ADGRB3: variants seen among roughly 807,000 people sequenced by gnomAD.
ADGRB3 encodes the protein adhesion G protein-coupled receptor B3.
In ADGRB3, 37 loss-of-function variants were observed where a neutral mutation model predicts 193.4. The observed-to-expected ratio is 0.19, with a 90% CI of 0.15 to 0.25. The LOEUF is 0.25. Ranked by LOEUF, ADGRB3 falls within the 10% of genes least tolerant of loss-of-function variation. The pLI is 1.00. For synonymous variants in ADGRB3, 690 were observed against 644.2 expected (o/e 1.07, Z -1.08); for missense variants, 1,637 against 1,852.9 (o/e 0.88, Z 2.14).
intron 13 of ADGRB3, among the ~76,000 whole-genome samples, chr6:69,047,015 G>A (rs1771256201): frequency 6.6e-6 from 1 of 151,876 alleles, no homozygotes; most frequent in African/African-American, 2.4e-5. Context: ...CCACCACCAC[G>A]CCCGGCTAAA....
rs150153385 is a variant in ADGRB3 at position 68,900,427 on chromosome 6, G to T, written c.758-30132G>T. Among the ~76,000 whole-genome samples, 11 of 152,182 alleles carry T rather than the reference G, an allele frequency of 7.2e-5. No individual in the cohort carries two copies. In the East Asian group the frequency reaches 2.1e-3, roughly 29 times the overall value. ...ATGACAGGGAAAGTAGCCACAAGGAGGCCTGGGGAAAAGATATGTGGATAG... is the reference window on the plus strand; with the variant it reads ...ATGACAGGGAAAGTAGCCACAAGGATGCCTGGGGAAAAGATATGTGGATAG... On this transcript the variant is annotated intron_variant, in intron 3 of 31. Transcript: ENST00000370598.
chr6:69,270,790 C>T (rs1767157872), intron 20 of ADGRB3, among the ~76,000 whole-genome samples: 1 of 152,168 alleles, frequency 6.6e-6, no homozygotes, highest in Non-Finnish European at 1.5e-5. Context: ...TAATACAACA[C>T]ACAAATTAAA....
chr6:69,101,374 A>G (rs1445388030), intron 17 of ADGRB3, among the ~76,000 whole-genome samples: 1 of 151,944 alleles, frequency 6.6e-6, no homozygotes, highest in Admixed American at 6.6e-5. Flanking sequence ...TTAGACATTT[A>G]TTTTGAGAAA....
At chr6:69,094,982 T>C (rs886484752) in intron 17 of ADGRB3, among the ~76,000 whole-genome samples, 1 of 152,230 alleles carries the variant, frequency 6.6e-6, no homozygotes, top group African/African-American at 2.4e-5. Flanking sequence ...ACAAAAGATA[T>C]GGACCTAATA....
At chr6:68,694,264 T>C (rs946823548) in intron 3 of ADGRB3, among the ~76,000 whole-genome samples, 2 of 152,150 alleles carry the variant, frequency 1.3e-5, no homozygotes, top group South Asian at 2.1e-4. Context: ...ATTGACATAT[T>C]GCACCTTATT....
Position 68,940,628 on chromosome 6 carries a change from G to A in ADGRB3, c.1031-3202G>A, listed in dbSNP as rs150214575. ...TAAAAAATAAAACCTAGCCGGGTGC[G>A]GTGGCTCACGCCTGTAATCCCAGCA... On this transcript the variant is annotated intron_variant, in intron 5 of 31. Coordinates refer to ENST00000370598, the MANE Select transcript of ADGRB3 (RefSeq NM_001704.3). Among the ~76,000 whole-genome samples, 1,316 of 143,236 alleles carry A rather than the reference G, an allele frequency of 9.2e-3. 34 individuals carry two copies. Among genetic ancestry groups the A allele is most frequent in the African/African-American group, 0.033 (1,257 of 38,552 alleles). 94.0% of individuals were successfully genotyped at this position (143,236 alleles called of 152,430 possible). A position where few individuals can be genotyped will look rare whatever the true frequency, so the allele number is the denominator to read the frequency against.
intron 13 of ADGRB3, among the ~76,000 whole-genome samples, chr6:69,037,851 G>A (rs1335095619): frequency 6.6e-6 from 1 of 152,078 alleles, no homozygotes; most frequent in African/African-American, 2.4e-5. Context: ...TACATGAAAA[G>A]CTTTCTCTAT....
In ADGRB3 at chr6:69,158,293, A is replaced by G. The variant is rs9454709; in HGVS notation, c.2481-74997A>G. On this transcript the variant is annotated intron_variant, in intron 17 of 31. Transcript: ENST00000370598. ...ACTTGATTAATGTTTGTTAAATTGT[A>G]TTAAATAGCATTGGATAATTGCATC... Among the ~76,000 whole-genome samples the G allele has an allele frequency of 4.3e-3, 649 of 152,194 alleles. 2 individuals carry two copies. Among genetic ancestry groups the G allele is most frequent in the African/African-American group, 0.015 (623 of 41,548 alleles).
chr6:68,904,462 T>G (rs1766489086), intron 3 of ADGRB3, among the ~76,000 whole-genome samples: 1 of 152,182 alleles, frequency 6.6e-6, no homozygotes, highest in African/African-American at 2.4e-5. Context: ...TCGTTTGGCT[T>G]TGCTACAAAG....
At chr6:69,294,622 A>G (rs1337094381) in intron 20 of ADGRB3, among the ~76,000 whole-genome samples, 1 of 152,188 alleles carries the variant, frequency 6.6e-6, no homozygotes. Context: ...TTAGCTCTTA[A>G]AATAAGACTT....
intron 3 of ADGRB3, among the ~76,000 whole-genome samples, chr6:68,721,435 T>A (rs1582146833): frequency 6.6e-6 from 1 of 150,492 alleles, no homozygotes. Context: ...AAGAGAACAC[T>A]TGGACACAGG....
chr6:69,017,750 G>C lies in ADGRB3; in HGVS notation c.1999-641G>C, dbSNP rs538825716. Reference sequence around the variant, plus strand: ...AAAGATACAATATGGCCTTAGGTATGCTGTTTAACCTTCTTGAGGTCTTGC... The same window carrying C: ...AAAGATACAATATGGCCTTAGGTATCCTGTTTAACCTTCTTGAGGTCTTGC... On this transcript the variant is annotated intron_variant, in intron 12 of 31. Coordinates refer to ENST00000370598, the MANE Select transcript of ADGRB3 (RefSeq NM_001704.3). 1.9e-3 allele frequency among the ~76,000 whole-genome samples: 285 copies of C among 151,996 alleles called. 2 individuals carry two copies. Among genetic ancestry groups the C allele is most frequent in the Non-Finnish European group, 3.4e-3 (232 of 67,882 alleles).
intron 20 of ADGRB3, among the ~76,000 whole-genome samples, chr6:69,274,213 G>C (rs1351205119): frequency 1.1e-4 from 17 of 152,178 alleles, no homozygotes; most frequent in Admixed American, 1.1e-3. Flanking sequence ...ATCAATGTTT[G>C]CTATGCCGAT....
At chr6:69,321,490 A>T (rs796275808) in intron 20 of ADGRB3, among the ~76,000 whole-genome samples, 8 of 151,910 alleles carry the variant, frequency 5.3e-5, no homozygotes, top group African/African-American at 1.9e-4. Context: ...CAAAGTTCAA[A>T]ATAGTGAGTC....
chr6:69,330,408 C>T (rs1768688984), intron 22 of ADGRB3, 98 bp from the exon 23 acceptor site: 2 of 855,994 alleles, frequency 2.3e-6, no homozygotes, highest in Non-Finnish European at 3.4e-6. Flanking sequence ...TGCCAAAATT[C>T]CAAGGCAAAA....
chr6:69,332,699 G>A (rs926807930), intron 23 of ADGRB3: 14 of 985,278 alleles, frequency 1.4e-5, no homozygotes, highest in Non-Finnish European at 1.7e-5. Flanking sequence ...TAACTGCAAA[G>A]CATGGAAATT....
chr6:68,808,043 A>T (rs949678976), intron 3 of ADGRB3, among the ~76,000 whole-genome samples: 2 of 152,230 alleles, frequency 1.3e-5, no homozygotes, highest in African/African-American at 2.4e-5. Flanking sequence ...TTGTAAAATT[A>T]GTTCAATAGG....
chr6:69,073,704 C>G (rs865868928), intron 16 of ADGRB3, among the ~76,000 whole-genome samples: 2 of 152,248 alleles, frequency 1.3e-5, no homozygotes, highest in South Asian at 2.1e-4. Flanking sequence ...GGGAGCCCTT[C>G]CCACCTGGCT....
At chr6:68,661,307 G>A (rs1454275766) in intron 3 of ADGRB3, among the ~76,000 whole-genome samples, 19 of 70,162 alleles carry the variant, frequency 2.7e-4, no homozygotes, top group African/African-American at 7.4e-4. Flanking sequence ...ATATATATAT[G>A]TGTGTGTGTG....
Sources: allele counts gnomAD v4.1 joint callset (sites outside exome capture counted in the v4.1 genomes callset), GRCh38; gene constraint gnomAD v4.1.1; transcripts MANE v1.5; gene names NCBI Gene and HGNC (gene_info 2026-07-23, HGNC 2026-07-21).